Variants in CPA6 observed in about 807,000 individuals in gnomAD.
CPA6 encodes carboxypeptidase A6.
A neutral mutation model predicts 63.3 loss-of-function variants in CPA6; 58 were observed. The observed-to-expected ratio is 0.92, with a 90% CI of 0.74 to 1.14. CPA6 has a LOEUF of 1.14. CPA6 is among the 50% of genes most tolerant of loss of function. CPA6 has a pLI of 0.00. For synonymous variants in CPA6, 185 were observed against 179.0 expected (o/e 1.03, Z -0.27); for missense variants, 565 against 526.6 (o/e 1.07, Z -0.71).
At chr8:67,470,935 C>T (rs1205215030) in intron 8 of CPA6, among the ~76,000 whole-genome samples, 1 of 152,150 alleles carries the variant, frequency 6.6e-6, no homozygotes, top group Non-Finnish European at 1.5e-5. Flanking sequence ...ATTTAGTATG[C>T]AGTAGCCAGA....
intron 2 of CPA6, among the ~76,000 whole-genome samples, 190 bp from the exon 3 acceptor site, chr8:67,518,237 A>G (rs1006913701): frequency 6.6e-6 from 1 of 152,238 alleles, no homozygotes; most frequent in Admixed American, 6.5e-5. Context: ...TATCATATCC[A>G]TATAGAATTT....
intron 8 of CPA6, among the ~76,000 whole-genome samples, chr8:67,463,775 T>C (rs1810865728): frequency 6.6e-6 from 1 of 152,244 alleles, no homozygotes; most frequent in Admixed American, 6.5e-5. Context: ...ACATGTGGTA[T>C]TTGGGTTTCT....
intron 1 of CPA6, among the ~76,000 whole-genome samples, chr8:67,729,196 C>G (rs1337081793): frequency 6.6e-6 from 1 of 152,166 alleles, no homozygotes; most frequent in Non-Finnish European, 1.5e-5. Flanking sequence ...TCAATAAGAT[C>G]CCCTAGTGTT....
chr8:67,474,353 C>G (rs559105162), intron 8 of CPA6, among the ~76,000 whole-genome samples: 1 of 152,220 alleles, frequency 6.6e-6, no homozygotes, highest in Middle Eastern at 3.4e-3. Flanking sequence ...TCCTGAATAG[C>G]TGCGACTACA....
intron 1 of CPA6, among the ~76,000 whole-genome samples, chr8:67,660,496 ATTTT>A (rs5892089): frequency 1.3e-5 from 1 of 78,922 alleles, no homozygotes; most frequent in Non-Finnish European, 2.3e-5. Flanking sequence ...TGCCCGGCTC[ATTTT>A]TTTTTTTTTT....
At chr8:67,518,137 A>G (rs111556176) in intron 2 of CPA6, 90 bp from the exon 3 acceptor site, 244 of 1,217,192 alleles carry the variant, frequency 2.0e-4, no homozygotes, top group Middle Eastern at 1.8e-3. Context: ...TTGTTTGCAT[A>G]TAGTAACACC....
At chr8:67,610,781 G>C (rs1404834387) in intron 2 of CPA6, among the ~76,000 whole-genome samples, 3 of 151,878 alleles carry the variant, frequency 2.0e-5, no homozygotes, top group Non-Finnish European at 4.4e-5. Flanking sequence ...TTTTTTTTGA[G>C]CTTGATAAAG....
rs75287681 is a variant in CPA6 at position 67,424,452 on chromosome 8, G to A, written c.1127-1761C>T. 9.2e-3 allele frequency among the ~76,000 whole-genome samples: 1,396 copies of A among 152,248 alleles called. 16 individuals are homozygous for A. The highest frequency in any genetic ancestry group is 0.032 in the African/African-American group (1,314 of 41,534). On this transcript the variant is annotated intron_variant, in intron 10 of 10. Coordinates refer to ENST00000297770, the MANE Select transcript of CPA6 (RefSeq NM_020361.5). ...TGACTTTCCCCCGTTGAGCTCAGAG[G>A]AAGAAATGCTCCCTGTCTTTTACAT... is the stretch of plus-strand genomic sequence containing the variant.
In CPA6 at chr8:67,737,215, G is replaced by A. The variant is rs140914223; in HGVS notation, c.116+8799C>T. On this transcript the variant is annotated intron_variant, in intron 1 of 10. Transcript: ENST00000297770. ...TCCCTCCCGCCTCCTGACTCCCTCA[G>A]AGAAAGATGCCTTCTGTTATAGCCA... 1.5e-3 allele frequency among the ~76,000 whole-genome samples: 221 copies of A among 152,244 alleles called. 1 individual carries two copies. Among genetic ancestry groups the A allele is most frequent in the African/African-American group, 5.2e-3 (217 of 41,540 alleles).
At chr8:67,626,597 C>G (rs1312810960) in intron 1 of CPA6, among the ~76,000 whole-genome samples, 1 of 152,140 alleles carries the variant, frequency 6.6e-6, no homozygotes, top group Admixed American at 6.5e-5. Context: ...TAAATATAAC[C>G]TTTGGAATTT....
chr8:67,648,316 G>A (rs141457170), intron 1 of CPA6, among the ~76,000 whole-genome samples: 3 of 117,778 alleles, frequency 2.5e-5, no homozygotes, highest in East Asian at 2.3e-4. Flanking sequence ...CCTTCATTCC[G>A]TGTATAAAAT....
rs560564418 is a variant in CPA6 at position 67,575,176 on chromosome 8, C to T, written c.192+49000G>A. Reference sequence around the variant, plus strand: ...TCATTAGGGAAATGCAAATTAAATCCACAATGAGATATCACCTCATACCTG... The same window carrying T: ...TCATTAGGGAAATGCAAATTAAATCTACAATGAGATATCACCTCATACCTG... On this transcript the variant is annotated intron_variant, in intron 2 of 10. Coordinates refer to ENST00000297770, the MANE Select transcript of CPA6 (RefSeq NM_020361.5). Among the ~76,000 whole-genome samples the T allele has an allele frequency of 4.7e-4, 71 of 152,118 alleles. 1 individual carries two copies. In the South Asian group the frequency reaches 0.014, roughly 30 times the overall value.
chr8:67,661,970 C>T (rs1168930296), intron 1 of CPA6, among the ~76,000 whole-genome samples: 2 of 152,162 alleles, frequency 1.3e-5, no homozygotes, highest in African/African-American at 4.8e-5. Flanking sequence ...GAGTCATATT[C>T]CATTGCATGG....
At chr8:67,607,565 C>T (rs1160137468) in intron 2 of CPA6, among the ~76,000 whole-genome samples, 2 of 152,088 alleles carry the variant, frequency 1.3e-5, no homozygotes, top group East Asian at 3.9e-4. Flanking sequence ...CTGTCTATTT[C>T]TTCTTGACTT....
At chr8:67,659,016 C>T (rs567312032) in intron 1 of CPA6, among the ~76,000 whole-genome samples, 60 of 152,186 alleles carry the variant, frequency 3.9e-4, no homozygotes, top group Non-Finnish European at 7.1e-4. Context: ...TTACAAATGG[C>T]ACCCTATCTC....
At chr8:67,621,067 A>C (rs1392552364) in intron 2 of CPA6, among the ~76,000 whole-genome samples, 1 of 152,042 alleles carries the variant, frequency 6.6e-6, no homozygotes, top group East Asian at 1.9e-4. Context: ...CCCAATAAAA[A>C]CCCCAGGCAT....
intron 2 of CPA6, among the ~76,000 whole-genome samples, chr8:67,553,314 C>G (rs2128973254): frequency 6.6e-6 from 1 of 152,304 alleles, no homozygotes; most frequent in Admixed American, 6.5e-5. Flanking sequence ...ACCATGATAA[C>G]TGCTGGGGAT....
chr8:67,498,535 C>CAA (rs397940852), intron 6 of CPA6, among the ~76,000 whole-genome samples: 581 of 32,998 alleles, frequency 0.018, 35 homozygotes, highest in East Asian at 0.028. Flanking sequence ...GACTCCATCT[C>CAA]AAAAAAAAAA....
intron 7 of CPA6, among the ~76,000 whole-genome samples, 174 bp downstream of exon 7, chr8:67,484,505 A>G (rs1811432261): frequency 6.6e-6 from 1 of 152,176 alleles, no homozygotes; most frequent in Non-Finnish European, 1.5e-5. Context: ...TAGATGTGAA[A>G]ATGAAATCTA....
Sources: allele counts gnomAD v4.1 joint callset (sites outside exome capture counted in the v4.1 genomes callset), GRCh38; gene constraint gnomAD v4.1.1; transcripts MANE v1.5; gene names NCBI Gene and HGNC (gene_info 2026-07-23, HGNC 2026-07-21).